Variants in ADAMTS9 observed in about 807,000 individuals in gnomAD.
ADAMTS9 encodes A disintegrin and metalloproteinase with thrombospondin motifs 9.
ADAMTS9 carries 107 observed loss-of-function variants against 257.1 expected under a neutral mutation model. The observed-to-expected ratio is 0.42, with a 90% CI of 0.36 to 0.49. The LOEUF is 0.49. Ranked by LOEUF, ADAMTS9 falls within the 20% of genes least tolerant of loss-of-function variation. The probability of loss-of-function intolerance (pLI) is 0.03; values close to 1 mark genes in which losing one functional copy is unlikely to be tolerated. For synonymous variants in ADAMTS9, 982 were observed against 880.9 expected (o/e 1.11, Z -2.03); for missense variants, 2,353 against 2,469.1 (o/e 0.95, Z 1.00).
At chr3:64,574,926 GC>G in intron 28 of ADAMTS9, among the ~76,000 whole-genome samples, 1 of 152,158 alleles carries the variant, frequency 6.6e-6, no homozygotes, top group African/African-American at 2.4e-5. Context: ...GAGTAGCTAC[GC>G]AATGTTAATA....
At chr3:64,627,014 C>T (rs1177474333) in intron 16 of ADAMTS9, among the ~76,000 whole-genome samples, 1 of 152,168 alleles carries the variant, frequency 6.6e-6, no homozygotes, top group Non-Finnish European at 1.5e-5. Context: ...CAAATGGTGA[C>T]AGTATGATGT....
At chr3:64,653,283 A>G (rs532944179) in intron 8 of ADAMTS9, among the ~76,000 whole-genome samples, 1 of 152,326 alleles carries the variant, frequency 6.6e-6, no homozygotes, top group South Asian at 2.1e-4. Context: ...AGAAACCACG[A>G]GGATAGAGAC....
chr3:64,681,478 A>T (rs761582529), intron 2 of ADAMTS9, 115 bp from the exon 3 acceptor site: 12 of 1,148,438 alleles, frequency 1.0e-5, no homozygotes, highest in African/African-American at 1.6e-5. Context: ...TCTCTTTTTC[A>T]GGAGGGTTGT....
chr3:64,632,026 A>G lies in ADAMTS9; in HGVS notation c.2176-101T>C, dbSNP rs1426406631. The G allele has an allele frequency of 3.6e-6, 3 of 836,114 alleles. No homozygotes were observed. In the South Asian group the frequency reaches 5.1e-5, roughly 14 times the overall value. 51.8% of individuals were successfully genotyped at this position (836,114 alleles called of 1,614,324 possible). ...AATCGTGTGCACTAAAAATGACAAG[A>G]AAGTCAAGTCCTTTAAAACTTGGAA... On this transcript the variant is annotated intron_variant, in intron 14 of 39. Transcript: ENST00000498707.
chr3:64,533,972 C>A (rs1408918966), intron 37 of ADAMTS9, among the ~76,000 whole-genome samples: 1 of 152,208 alleles, frequency 6.6e-6, no homozygotes, highest in Non-Finnish European at 1.5e-5. Flanking sequence ...GACCCTCTCG[C>A]TGCTTTCTCC....
intron 30 of ADAMTS9, among the ~76,000 whole-genome samples, chr3:64,559,875 C>G (rs2083390635): frequency 6.6e-6 from 1 of 152,188 alleles, no homozygotes; most frequent in African/African-American, 2.4e-5. Context: ...CTCTTACTTT[C>G]CGCTCCTCGG....
At chr3:64,672,850 T>A (rs557684504) in intron 3 of ADAMTS9, among the ~76,000 whole-genome samples, 133 of 152,320 alleles carry the variant, frequency 8.7e-4, no homozygotes, top group Non-Finnish European at 1.3e-3. Flanking sequence ...AAAGGTAGTT[T>A]AATATTTCAG....
chr3:64,674,533 C>T (rs1263837480), intron 3 of ADAMTS9, among the ~76,000 whole-genome samples: 1 of 152,174 alleles, frequency 6.6e-6, no homozygotes, highest in African/African-American at 2.4e-5. Flanking sequence ...ATGAAATAAC[C>T]ATAATGTGCT....
intron 8 of ADAMTS9, among the ~76,000 whole-genome samples, chr3:64,653,030 T>C (rs1700972049): frequency 6.6e-6 from 1 of 152,242 alleles, no homozygotes; most frequent in African/African-American, 2.4e-5. Context: ...ATCCCCAAGA[T>C]ATCTCATTAT....
At chr3:64,536,679 G>T (rs1488595310) in intron 37 of ADAMTS9, among the ~76,000 whole-genome samples, 1 of 152,156 alleles carries the variant, frequency 6.6e-6, no homozygotes, top group Non-Finnish European at 1.5e-5. Flanking sequence ...TCTTTAAAAA[G>T]GAGGCATTTT....
intron 26 of ADAMTS9, among the ~76,000 whole-genome samples, chr3:64,597,590 C>G (rs1039819511): frequency 1.8e-4 from 28 of 152,202 alleles, no homozygotes; most frequent in African/African-American, 6.3e-4. Flanking sequence ...GGTAGTAAGA[C>G]TTGTTTTATT....
intron 3 of ADAMTS9, among the ~76,000 whole-genome samples, chr3:64,665,113 C>A (rs1276076503): frequency 1.3e-5 from 2 of 152,180 alleles, no homozygotes; most frequent in East Asian, 1.9e-4. Context: ...ATATATGCAT[C>A]TAAATAAATT....
At chr3:64,550,710 T>G in intron 31 of ADAMTS9, 182 bp downstream of exon 31, 1 of 670,202 alleles carries the variant, frequency 1.5e-6, no homozygotes, top group Non-Finnish European at 2.5e-6. Flanking sequence ...TCTCCCGCTT[T>G]GCATACAAGG....
intron 28 of ADAMTS9, among the ~76,000 whole-genome samples, chr3:64,594,057 A>C (rs1292090351): frequency 6.6e-6 from 1 of 151,856 alleles, no homozygotes; most frequent in Non-Finnish European, 1.5e-5. Context: ...TATGAGGTAC[A>C]CTTATTCTTT....
chr3:64,593,861 G>C (rs2084307041), intron 28 of ADAMTS9, among the ~76,000 whole-genome samples: 2 of 151,996 alleles, frequency 1.3e-5, no homozygotes. Flanking sequence ...CAGTAAGCAG[G>C]TATCTTTCCC....
chr3:64,687,518 G>T lies in ADAMTS9; in HGVS notation c.115+25C>A. Reference sequence around the variant, plus strand: ...GGGAGGCGGCGTCGGGGCCGGCGGGGTCCCGGGGGCCGGAGCCTGGTTACC... The same window carrying T: ...GGGAGGCGGCGTCGGGGCCGGCGGGTTCCCGGGGGCCGGAGCCTGGTTACC... On this transcript the variant is annotated intron_variant, in intron 1 of 39. Coordinates refer to ENST00000498707, the MANE Select transcript of ADAMTS9 (RefSeq NM_182920.2). This position sits in a 1 kb window ranked among gnomAD's most constrained non-coding sequence, Gnocchi z 4.4. The T allele has an allele frequency of 6.6e-7, 1 of 1,507,532 alleles. No individual in the cohort carries two copies. Among genetic ancestry groups the T allele is most frequent in the Non-Finnish European group, 8.9e-7 (1 of 1,122,138 alleles). 93.4% of individuals were successfully genotyped at this position (1,507,532 alleles called of 1,614,324 possible).
chr3:64,538,942 C>T (rs1352241984), intron 37 of ADAMTS9, among the ~76,000 whole-genome samples: 2 of 152,170 alleles, frequency 1.3e-5, no homozygotes, highest in African/African-American at 2.4e-5. Flanking sequence ...TAACCGACAT[C>T]TAATTTGTTT....
In ADAMTS9 at chr3:64,631,470, C is replaced by T. The variant is rs866012750; in HGVS notation, c.2374G>A (p.Asp792Asn). 1.2e-6 allele frequency: 2 copies of T among 1,613,998 alleles called. No individual in the cohort carries two copies. Among genetic ancestry groups the T allele is most frequent in the Non-Finnish European group, 8.5e-7 (1 of 1,179,858 alleles). ...CCCATCTCACCTAAGTAGTTGTCATCGTCTGTTTCCCCTGAGAAACTGTGC... is the reference window on the plus strand; with the variant it reads ...CCCATCTCACCTAAGTAGTTGTCATTGTCTGTTTCCCCTGAGAAACTGTGC... ...RQHSFSGETD[D>N]DNYLALSSSK... Residue 792 changes from aspartate (D) to asparagine (N), a missense_variant, in exon 16 of 40, where the codon GAT (aspartate) becomes AAT (asparagine). Coordinates refer to ENST00000498707, the MANE Select transcript of ADAMTS9 (RefSeq NM_182920.2).
Position 64,616,093 on chromosome 3 carries a change from T to C in ADAMTS9, c.2891A>G (p.Lys964Arg), listed in dbSNP as rs763936042. ...GYRTLDIYCA[K>R]YSRLDGKTEK... The stretch of plus-strand genomic sequence containing the variant: ...AGTCTTCCCATCCAGCCTGCTATAT[T>C]TGGCACAGTAGATGTCCAATGTGCG... Residue 964 changes from lysine (K) to arginine (R), a missense_variant, in exon 20 of 40, where the codon AAA (lysine) becomes AGA (arginine). Coordinates refer to ENST00000498707, the MANE Select transcript of ADAMTS9 (RefSeq NM_182920.2). 3 of 1,614,132 alleles carry C rather than the reference T, an allele frequency of 1.9e-6. No individual in the cohort carries two copies. Among genetic ancestry groups the C allele is most frequent in the Non-Finnish European group, 1.7e-6 (2 of 1,180,006 alleles).
Sources: allele counts gnomAD v4.1 joint callset (sites outside exome capture counted in the v4.1 genomes callset), GRCh38; gene constraint gnomAD v4.1.1; non-coding constraint Gnocchi (gnomAD v3.1); transcripts MANE v1.5; gene names NCBI Gene and HGNC (gene_info 2026-07-23, HGNC 2026-07-21).